KIAA1671: variants seen among roughly 807,000 people sequenced by gnomAD.
KIAA1671 encodes the protein KIAA1671.
A neutral mutation model predicts 131.2 loss-of-function variants in KIAA1671; 52 were observed. The ratio of observed to expected loss-of-function variants is 0.40; its 90% CI spans 0.32 to 0.50. KIAA1671 has a LOEUF of 0.50. Ranked by LOEUF, KIAA1671 falls within the 20% of genes least tolerant of loss-of-function variation. The pLI is 0.73. For missense variants in KIAA1671, 2,360 were observed against 2,364.2 expected (o/e 1.00, Z 0.04); for synonymous variants, 1,003 against 961.6 (o/e 1.04, Z -0.80).
intron 6 of KIAA1671, among the ~76,000 whole-genome samples, chr22:25,115,990 G>A (rs1931634890): frequency 6.6e-6 from 1 of 152,140 alleles, no homozygotes; most frequent in African/African-American, 2.4e-5. Flanking sequence ...TGACCAGGCT[G>A]GTCTCGAACT....
intron 6 of KIAA1671, among the ~76,000 whole-genome samples, chr22:25,120,615 A>T (rs892304220): frequency 1.3e-5 from 2 of 152,230 alleles, no homozygotes; most frequent in African/African-American, 4.8e-5. Flanking sequence ...TATTCTTGGA[A>T]CATATAGAAA....
rs191550388 is a variant in KIAA1671, at chr22:24,967,808, C to T, written c.-208+15036C>T. 9.1e-4 allele frequency among the ~76,000 whole-genome samples: 138 copies of T among 152,224 alleles called. 1 individual carries two copies. Among genetic ancestry groups the T allele is most frequent in the African/African-American group, 2.7e-3 (111 of 41,556 alleles). ...GAGATCGAGACCATCCTGGCTAACA[C>T]GGTGAAACCCTGTCTCTACTAAAAA... On this transcript the variant is annotated intron_variant, in intron 1 of 12. Coordinates refer to ENST00000358431, the MANE Select transcript of KIAA1671 (RefSeq NM_001145206.2).
chr22:25,008,071 G>A (rs1013965430), intron 1 of KIAA1671, among the ~76,000 whole-genome samples: 10 of 151,974 alleles, frequency 6.6e-5, no homozygotes, highest in African/African-American at 2.4e-4. Context: ...GGTGGCAGGT[G>A]CCTGTAATCC....
intron 6 of KIAA1671, among the ~76,000 whole-genome samples, chr22:25,068,643 A>T (rs750160549): frequency 6.6e-6 from 1 of 152,152 alleles, no homozygotes; most frequent in Non-Finnish European, 1.5e-5. Flanking sequence ...TCACCGTGTT[A>T]GCCAGGATGG....
chr22:25,069,428 TCACTCCC>T (rs1343171330), intron 6 of KIAA1671, among the ~76,000 whole-genome samples: 1 of 152,168 alleles, frequency 6.6e-6, no homozygotes, highest in Admixed American at 6.5e-5. Flanking sequence ...GACATTCTCC[TCACTCCC>T]CACCTGGTGC....
Position 25,041,501 on chromosome 22 carries a change from G to C in KIAA1671, c.4371G>C (p.Glu1457Asp). 6.5e-7 allele frequency: 1 copy of C among 1,548,334 alleles called. No individual in the cohort carries two copies. Among genetic ancestry groups the C allele is most frequent in the Non-Finnish European group, 8.7e-7 (1 of 1,145,874 alleles). ...LEAKMGPCWW[E>D]SGTGDSHKVL... is the part of the protein sequence containing the mutation. ...CCAAAATGGGACCCTGTTGGTGGGA[G>C]TCAGGGACTGGAGACAGTCACAAGG... Residue 1457 changes from glutamate to aspartate, a missense_variant, in exon 5 of 13, where the codon GAG (glutamate) becomes GAC (aspartate). This residue lies in a region of KIAA1671 where 1,161 missense variants were observed against 1,204.7 expected (regional missense o/e 0.96). Transcript: ENST00000358431.
chr22:25,057,591 A>C (rs1466955347), intron 6 of KIAA1671: 1 of 151,726 alleles, frequency 6.6e-6, no homozygotes, highest in East Asian at 1.9e-4. Flanking sequence ...ACAGATCAGG[A>C]AAACGGAGGC....
intron 1 of KIAA1671, among the ~76,000 whole-genome samples, chr22:24,975,289 T>C (rs1922854281): frequency 6.6e-6 from 1 of 152,086 alleles, no homozygotes; most frequent in South Asian, 2.1e-4. Context: ...GTCATTCATG[T>C]CATAACAAGT....
intron 1 of KIAA1671, among the ~76,000 whole-genome samples, chr22:25,005,668 G>A (rs578002671): frequency 6.6e-6 from 1 of 152,204 alleles, no homozygotes; most frequent in African/African-American, 2.4e-5. Context: ...GGACAAAGAC[G>A]CCAAAATAAA....
chr22:25,026,897 A>G (rs1925975359), intron 2 of KIAA1671, among the ~76,000 whole-genome samples: 1 of 152,146 alleles, frequency 6.6e-6, no homozygotes, highest in African/African-American at 2.4e-5. Flanking sequence ...TGGAGGGTTA[A>G]TGAGAGAGGA....
At chr22:25,089,322 T>A (rs1314918722) in intron 6 of KIAA1671, among the ~76,000 whole-genome samples, 2 of 145,592 alleles carry the variant, frequency 1.4e-5, no homozygotes, top group African/African-American at 2.6e-5. Context: ...TTGCCCAGGC[T>A]GGAGTGCAGT....
intron 1 of KIAA1671, among the ~76,000 whole-genome samples, chr22:25,007,588 C>T (rs1250405318): frequency 6.6e-6 from 1 of 152,042 alleles, no homozygotes; most frequent in African/African-American, 2.4e-5. Context: ...TGAAGACTAG[C>T]TGAAACAGGG....
intron 6 of KIAA1671, among the ~76,000 whole-genome samples, chr22:25,099,537 G>GTTTTTTTTTTT (rs1223034273): frequency 8.9e-6 from 1 of 112,112 alleles, no homozygotes; most frequent in African/African-American, 3.9e-5. Flanking sequence ...CAAAATGTGG[G>GTTTTTTTTTTT]TTTTTTTGTT....
chr22:25,153,754 C>T (rs1368828728), intron 6 of KIAA1671, among the ~76,000 whole-genome samples: 1 of 152,182 alleles, frequency 6.6e-6, no homozygotes, highest in East Asian at 1.9e-4. Context: ...AGAAATGGGC[C>T]CTTCTGCCAC....
chr22:25,151,728 C>A (rs1383182608), intron 6 of KIAA1671, among the ~76,000 whole-genome samples: 2 of 152,052 alleles, frequency 1.3e-5, no homozygotes, highest in Non-Finnish European at 2.9e-5. Flanking sequence ...GTGTGAGCCA[C>A]CGCACATGGC....
At chr22:25,135,247 G>A (rs528173752) in intron 6 of KIAA1671, among the ~76,000 whole-genome samples, 30 of 152,278 alleles carry the variant, frequency 2.0e-4, no homozygotes, top group Admixed American at 1.1e-3. Flanking sequence ...GTGCAGTGGC[G>A]CAATCTCAGC....
chr22:25,101,263 CT>C (rs1319822394), intron 6 of KIAA1671, among the ~76,000 whole-genome samples: 1 of 152,168 alleles, frequency 6.6e-6, no homozygotes, highest in African/African-American at 2.4e-5. Flanking sequence ...TGCCGCCTGC[CT>C]TTTTCCATTT....
chr22:25,177,321 T>C (rs1378890912), intron 8 of KIAA1671, 27 bp from the exon 9 acceptor site: 7 of 1,529,232 alleles, frequency 4.6e-6, no homozygotes, highest in Non-Finnish European at 6.2e-6. Context: ...TTGATTTTTT[T>C]CCTCTTCCTC....
At chr22:24,957,366 A>G (rs1172864710) in intron 1 of KIAA1671, among the ~76,000 whole-genome samples, 2 of 152,210 alleles carry the variant, frequency 1.3e-5, no homozygotes, top group Non-Finnish European at 2.9e-5. Flanking sequence ...CTGAATGAAT[A>G]AAAGTTAGAC....
Sources: allele counts gnomAD v4.1 joint callset (sites outside exome capture counted in the v4.1 genomes callset), GRCh38; gene constraint gnomAD v4.1.1; regional missense constraint gnomAD v4.1.1; transcripts MANE v1.5; gene names NCBI Gene and HGNC (gene_info 2026-07-23, HGNC 2026-07-21).